SLC16A9: variants seen among roughly 807,000 people sequenced by gnomAD.
The protein encoded by SLC16A9 is solute carrier family 16 member 9, also known as monocarboxylate transporter 9.
Under a neutral mutation model 44.3 loss-of-function variants are expected in SLC16A9, and 26 were observed. The observed-to-expected ratio is 0.59, with a 90% confidence interval of 0.43 to 0.81. The LOEUF is 0.81. Ranked by LOEUF, SLC16A9 falls within the 40% of genes least tolerant of loss-of-function variation. SLC16A9 has a pLI of 0.00. For missense variants in SLC16A9, 559 were observed against 595.8 expected (o/e 0.94, Z 0.64); for synonymous variants, 230 against 225.1 (o/e 1.02, Z -0.19).
chr10:59,686,748 C>T (rs1840142758), intron 1 of SLC16A9, among the ~76,000 whole-genome samples: 1 of 152,090 alleles, frequency 6.6e-6, no homozygotes, highest in Non-Finnish European at 1.5e-5. Flanking sequence ...AATTTTTTAT[C>T]TCCTTATATG....
intron 1 of SLC16A9, among the ~76,000 whole-genome samples, chr10:59,697,962 T>TAAAAAAAAA (rs34931109): frequency 7.3e-6 from 1 of 136,112 alleles, no homozygotes. Flanking sequence ...GGGCACACAG[T>TAAAAAAAAA]AAAAAAAAAA....
Position 59,653,912 on chromosome 10 carries a change from A to C in SLC16A9, c.1114T>G (p.Leu372Val). 6.2e-7 allele frequency: 1 copy of C among 1,614,190 alleles called. No homozygotes were observed. Among genetic ancestry groups the C allele is most frequent in the Non-Finnish European group, 8.5e-7 (1 of 1,180,040 alleles). The stretch of plus-strand genomic sequence containing the variant: ...ATTAAGGTAGCAACATAAAGATACA[A>C]GGTATTAATCCACTTGAAGTCAGCC... ...ILADFKWINTLYLYVATLIIM... is the reference protein window; with the variant it reads ...ILADFKWINTVYLYVATLIIM... The change falls in exon 5 of 6, where the codon TTG (leucine) becomes GTG (valine). Residue 372 changes from leucine (L) to valine (V), a missense_variant. By Grantham distance (32) the Leu-to-Val change is conservative (BLOSUM62 1). Transcript: ENST00000395348.
Position 59,652,873 on chromosome 10 carries a change from T to C in SLC16A9, c.1429A>G (p.Ile477Val), listed in dbSNP as rs754006432. The change falls in exon 6 of 6, where the codon ATT (isoleucine) becomes GTT (valine). Residue 477 changes from isoleucine to valine, a missense_variant. By Grantham distance (29) the Ile-to-Val change is conservative (BLOSUM62 3). Transcript: ENST00000395348. ...GAGGGCAAGGCTGCCAGCAGCAGAATAAAACCTCCCAGCAGGACGCAGAAG... is the reference window on the plus strand; with the variant it reads ...GAGGGCAAGGCTGCCAGCAGCAGAACAAAACCTCCCAGCAGGACGCAGAAG... ...SGFCVLLGGFILLLAALPSWD... is the reference protein window; with the variant it reads ...SGFCVLLGGFVLLLAALPSWD... The C allele has an allele frequency of 6.2e-7, 1 of 1,613,906 alleles. No homozygotes were observed. The highest frequency in any genetic ancestry group is 8.5e-7 in the Non-Finnish European group (1 of 1,179,954).
At chr10:59,687,586 G>A (rs147077677) in intron 1 of SLC16A9, among the ~76,000 whole-genome samples, 47 of 152,180 alleles carry the variant, frequency 3.1e-4, no homozygotes, top group African/African-American at 8.7e-4. Context: ...CTATTTTGGC[G>A]GAGGAATTTT....
chr10:59,655,170 G>A (rs184386816), intron 4 of SLC16A9, among the ~76,000 whole-genome samples: 88 of 152,092 alleles, frequency 5.8e-4, no homozygotes, highest in African/African-American at 2.0e-3. Context: ...CACGCCTGTA[G>A]TCCCAGCTAC....
At chr10:59,695,505 A>G (rs1000405245) in intron 1 of SLC16A9, among the ~76,000 whole-genome samples, 13 of 152,166 alleles carry the variant, frequency 8.5e-5, no homozygotes, top group African/African-American at 3.1e-4. Flanking sequence ...GGCCTGACTT[A>G]GAAAATTAAC....
intron 4 of SLC16A9, among the ~76,000 whole-genome samples, chr10:59,663,004 A>G (rs1418326864): frequency 6.6e-6 from 1 of 152,200 alleles, no homozygotes; most frequent in African/African-American, 2.4e-5. Context: ...AGCACTATTC[A>G]CAATAGCAAA....
chr10:59,666,937 C>T (rs2132435889), intron 3 of SLC16A9, among the ~76,000 whole-genome samples: 1 of 150,492 alleles, frequency 6.6e-6, no homozygotes, highest in South Asian at 2.1e-4. Flanking sequence ...CATTTGACAG[C>T]TTCCCAATTC....
In SLC16A9 at chr10:59,681,789, T is replaced by TATGTATATGTATATG. The variant is rs1564706071; in HGVS notation, c.196+2292_196+2306dup. 1.2e-3 allele frequency among the ~76,000 whole-genome samples: 23 copies of TATGTATATGTATATG among 18,634 alleles called. 2 individuals carry two copies. Among genetic ancestry groups the TATGTATATGTATATG allele is most frequent in the African/African-American group, 2.8e-3 (22 of 7,932 alleles). The allele number at this position is 18,634 out of a possible 152,430, so 12.2% of individuals were successfully genotyped here. A position where few individuals can be genotyped will look rare whatever the true frequency, so the allele number is the denominator to read the frequency against. ...TGTATATGTATATGTATATGATGTA[T>TATGTATATGTATATG]ATGTATATGTATATGTATATGTATA... is the stretch of plus-strand genomic sequence containing the variant. On this transcript the variant is annotated intron_variant, in intron 2 of 5. Transcript: ENST00000395348.
chr10:59,700,734 TC>T (rs1840504245), intron 1 of SLC16A9, among the ~76,000 whole-genome samples: 1 of 152,148 alleles, frequency 6.6e-6, no homozygotes, highest in Non-Finnish European at 1.5e-5. Flanking sequence ...TTCTCATCAT[TC>T]CTCTACTCAG....
rs190005624 is a variant in SLC16A9, at chr10:59,661,182, T to C, written c.436+3045A>G. On this transcript the variant is annotated intron_variant, in intron 4 of 5. Transcript: ENST00000395348. ...AATCAGGCAAGAGACAGAAATAAAG[T>C]GTATTCAAATAGGAAGAGAGGAAAT... is the stretch of plus-strand genomic sequence containing the variant. 5.4e-4 allele frequency among the ~76,000 whole-genome samples: 82 copies of C among 152,244 alleles called. 2 individuals are homozygous for C. Among genetic ancestry groups the C allele is most frequent in the African/African-American group, 1.9e-3 (80 of 41,554 alleles).
Position 59,664,356 on chromosome 10 carries a change from G to A in SLC16A9, c.341-34C>T, listed in dbSNP as rs77200219. On this transcript the variant is annotated intron_variant, in intron 3 of 5. Transcript: ENST00000395348. ...GAGAAGACATTGCATAAATTAAGAC[G>A]CTGCATTACTTCAATGCAAGAGAAA... is the stretch of plus-strand genomic sequence containing the variant. 6.2e-3 allele frequency: 8,730 copies of A among 1,414,434 alleles called. 381 individuals are homozygous for A. The African/African-American group carries it at 0.1, about 17-fold the overall frequency. 87.6% of individuals were successfully genotyped at this position (1,414,434 alleles called of 1,614,324 possible). A position where few individuals can be genotyped will look rare whatever the true frequency, so the allele number is the denominator to read the frequency against.
chr10:59,655,288 C>T (rs1235867619), intron 4 of SLC16A9, among the ~76,000 whole-genome samples: 1 of 152,098 alleles, frequency 6.6e-6, no homozygotes, highest in African/African-American at 2.4e-5. Context: ...GACTCCGTCT[C>T]AAACAAGCAA....
intron 5 of SLC16A9, 121 bp downstream of exon 5, chr10:59,653,554 G>A: frequency 2.7e-6 from 2 of 745,610 alleles, no homozygotes; most frequent in East Asian, 2.7e-5. Flanking sequence ...ATTACCATGA[G>A]ATGTTCCATG....
At chr10:59,666,281 A>C (rs1839614317) in intron 3 of SLC16A9, among the ~76,000 whole-genome samples, 1 of 150,380 alleles carries the variant, frequency 6.6e-6, no homozygotes, top group African/African-American at 2.5e-5. Context: ...CCTAGGCAAC[A>C]GAGCGAGACT....
At chr10:59,705,581 C>A (rs1242474819) in intron 1 of SLC16A9, among the ~76,000 whole-genome samples, 1 of 151,964 alleles carries the variant, frequency 6.6e-6, no homozygotes, top group Non-Finnish European at 1.5e-5. Flanking sequence ...GCATATTGCC[C>A]CAGGAAAGTG....
At chr10:59,694,547 T>A (rs1438644950) in intron 1 of SLC16A9, among the ~76,000 whole-genome samples, 42 of 151,676 alleles carry the variant, frequency 2.8e-4, no homozygotes, top group Admixed American at 2.7e-3. Context: ...CATGCCTGTA[T>A]TCCAGCACTT....
At chr10:59,660,161 T>C (rs1378859588) in intron 4 of SLC16A9, among the ~76,000 whole-genome samples, 1 of 152,058 alleles carries the variant, frequency 6.6e-6, no homozygotes, top group East Asian at 1.9e-4. Flanking sequence ...AGAGCAGAAC[T>C]GAAGGAGATA....
intron 1 of SLC16A9, among the ~76,000 whole-genome samples, chr10:59,687,197 G>A (rs1840153858): frequency 6.6e-6 from 1 of 152,192 alleles, no homozygotes; most frequent in Non-Finnish European, 1.5e-5. Context: ...GAGCCACCGT[G>A]CCTGGCCCCT....
Sources: gnomAD v4.1 joint callset for allele counts (sites outside exome capture counted in the v4.1 genomes callset) on GRCh38, gnomAD v4.1.1 for gene constraint, MANE v1.5 for transcripts, NCBI Gene and HGNC (gene_info 2026-07-23, HGNC 2026-07-21) for gene names.